PRKG1: variants seen among roughly 807,000 people sequenced by gnomAD.
The protein encoded by PRKG1 is cGMP-dependent protein kinase 1.
In PRKG1, 35 loss-of-function variants were observed where a neutral mutation model predicts 88.1. That is an observed-to-expected ratio of 0.40 (90% CI 0.30 to 0.53). PRKG1 has a LOEUF of 0.53. Among genes scored for constraint, PRKG1 ranks in the 20% least tolerant of loss-of-function variants. The pLI is 0.59. For missense variants in PRKG1, 540 were observed against 839.8 expected (o/e 0.64, Z 4.41); for synonymous variants, 303 against 292.5 (o/e 1.04, Z -0.37).
At chr10:51,815,076 G>A (rs1008484755) in intron 4 of PRKG1, among the ~76,000 whole-genome samples, 1 of 152,082 alleles carries the variant, frequency 6.6e-6, no homozygotes, top group Non-Finnish European at 1.5e-5. Flanking sequence ...GGGTTACCAG[G>A]GATCAGTCTC....
chr10:51,413,293 AAG>A (rs750177545), intron 2 of PRKG1, among the ~76,000 whole-genome samples: 2 of 152,110 alleles, frequency 1.3e-5, no homozygotes, highest in Non-Finnish European at 2.9e-5. Flanking sequence ...CACAAGTGGG[AAG>A]AGTTATAACT....
intron 7 of PRKG1, among the ~76,000 whole-genome samples, chr10:52,086,238 C>T (rs1342188403): frequency 6.6e-6 from 1 of 152,026 alleles, no homozygotes; most frequent in African/African-American, 2.4e-5. Context: ...AAACCAGTTG[C>T]ATTCTTTTCC....
At chr10:51,803,042 AC>A (rs1475183602) in intron 3 of PRKG1, among the ~76,000 whole-genome samples, 2 of 151,826 alleles carry the variant, frequency 1.3e-5, no homozygotes, top group African/African-American at 4.8e-5. Context: ...AGCTCCCACC[AC>A]TTTTTAAGGT....
chr10:51,728,259 G>A (rs578080135), intron 3 of PRKG1, among the ~76,000 whole-genome samples: 2 of 151,870 alleles, frequency 1.3e-5, no homozygotes, highest in African/African-American at 2.4e-5. Context: ...GTTTGCAACT[G>A]TACTAAGATA....
chr10:52,046,497 A>G (rs1845866531), intron 5 of PRKG1, among the ~76,000 whole-genome samples: 1 of 152,114 alleles, frequency 6.6e-6, no homozygotes, highest in South Asian at 2.1e-4. Flanking sequence ...CAAACTAACA[A>G]TTTATAGGTA....
intron 2 of PRKG1, among the ~76,000 whole-genome samples, chr10:51,203,002 G>A (rs1342232125): frequency 1.3e-5 from 2 of 152,090 alleles, no homozygotes; most frequent in Admixed American, 1.3e-4. Flanking sequence ...ATAGACAAAC[G>A]AGAAACAATG....
chr10:51,153,860 G>C (rs1846139737), intron 2 of PRKG1, among the ~76,000 whole-genome samples: 1 of 152,070 alleles, frequency 6.6e-6, no homozygotes. Context: ...CATACATCCT[G>C]TAAAGACTAA....
chr10:51,043,806 G>C (rs1191742151), intron 1 of PRKG1, among the ~76,000 whole-genome samples: 1 of 152,156 alleles, frequency 6.6e-6, no homozygotes, highest in East Asian at 1.9e-4. Context: ...ATTTCTCTGG[G>C]AAGGGAGAAT....
At chr10:51,717,831 C>CAA (rs776653787) in intron 3 of PRKG1, among the ~76,000 whole-genome samples, 1 of 68,842 alleles carries the variant, frequency 1.5e-5, no homozygotes, top group Admixed American at 1.6e-4. Flanking sequence ...GACTCTGTCT[C>CAA]AAAAAAAAAA....
chr10:51,355,002 AGAGTCTGAT>A (rs1842335076), intron 2 of PRKG1, among the ~76,000 whole-genome samples: 1 of 152,072 alleles, frequency 6.6e-6, no homozygotes, highest in Non-Finnish European at 1.5e-5. Flanking sequence ...TGCATAAATT[AGAGTCTGAT>A]TTCTCCATTT....
intron 2 of PRKG1, among the ~76,000 whole-genome samples, chr10:51,275,751 C>T (rs1840099040): frequency 6.6e-6 from 1 of 151,962 alleles, no homozygotes; most frequent in Admixed American, 6.6e-5. Context: ...TGACAAATGG[C>T]CCCCAAAAAA....
intron 7 of PRKG1, among the ~76,000 whole-genome samples, chr10:52,083,170 T>C (rs1189373002): frequency 6.6e-6 from 1 of 152,112 alleles, no homozygotes; most frequent in Non-Finnish European, 1.5e-5. Flanking sequence ...TAGCACACTG[T>C]AAATAAATTC....
At chr10:51,539,025 G>T (rs998060741) in intron 3 of PRKG1, among the ~76,000 whole-genome samples, 1 of 151,942 alleles carries the variant, frequency 6.6e-6, no homozygotes, top group African/African-American at 2.4e-5. Flanking sequence ...AACTTGAAAA[G>T]CTAGGTGTTG....
rs771283546 is a variant in PRKG1, at chr10:51,074,550, G to T, written c.-41G>T. On this transcript the variant is annotated 5_prime_UTR_variant, in exon 1 of 18. Coordinates refer to ENST00000373980, the MANE Select transcript of PRKG1 (RefSeq NM_006258.4). ...GAGAGGGGAGGAAGCCTCAAGACGC[G>T]GAGCAGCGGCAGGAAGGAGCCCCCG... 5 of 1,582,828 alleles carry T rather than the reference G, an allele frequency of 3.2e-6. No homozygotes were observed. The highest frequency in any genetic ancestry group is 3.4e-6 in the Non-Finnish European group (4 of 1,162,206).
At chr10:51,763,191 A>G (rs752520198) in intron 3 of PRKG1, among the ~76,000 whole-genome samples, 30 of 152,136 alleles carry the variant, frequency 2.0e-4, no homozygotes, top group Non-Finnish European at 2.9e-4. Context: ...CTTACCATGT[A>G]CTTGTAAGGA....
intron 4 of PRKG1, among the ~76,000 whole-genome samples, chr10:51,889,615 T>A (rs1841665545): frequency 6.6e-6 from 1 of 152,172 alleles, no homozygotes; most frequent in Non-Finnish European, 1.5e-5. Flanking sequence ...TAGTTCTAGA[T>A]CCTTGAGGAA....
At chr10:51,482,693 A>C (rs1840398576) in intron 3 of PRKG1, among the ~76,000 whole-genome samples, 1 of 152,168 alleles carries the variant, frequency 6.6e-6, no homozygotes, top group African/African-American at 2.4e-5. Context: ...CTCCTAGGCA[A>C]GGGAGTATGG....
At chr10:51,992,969 C>G (rs1323406221) in intron 5 of PRKG1, among the ~76,000 whole-genome samples, 1 of 152,036 alleles carries the variant, frequency 6.6e-6, no homozygotes, top group Non-Finnish European at 1.5e-5. Flanking sequence ...AAACTGAGAC[C>G]AGCGTTTGTG....
intron 2 of PRKG1, among the ~76,000 whole-genome samples, chr10:51,435,937 T>C (rs1276976722): frequency 1.3e-5 from 2 of 152,022 alleles, no homozygotes; most frequent in African/African-American, 4.8e-5. Flanking sequence ...GGATATTTTC[T>C]TGAGATTTTA....
Sources: allele counts gnomAD v4.1 joint callset (sites outside exome capture counted in the v4.1 genomes callset), GRCh38; gene constraint gnomAD v4.1.1; transcripts MANE v1.5; gene names NCBI Gene and HGNC (gene_info 2026-07-23, HGNC 2026-07-21).